Variants in PDE7A observed in about 807,000 individuals in gnomAD.
PDE7A encodes high affinity 3',5'-cyclic-AMP phosphodiesterase 7A.
Under a neutral mutation model 64.3 loss-of-function variants are expected in PDE7A, and 39 were observed. The observed-to-expected ratio is 0.61, with a 90% CI of 0.47 to 0.79. PDE7A has a LOEUF of 0.79. Ranked by LOEUF, PDE7A falls within the 30% of genes least tolerant of loss-of-function variation. The pLI, the probability that PDE7A is intolerant of heterozygous loss-of-function variation, is 0.00. For missense variants in PDE7A, 470 were observed against 582.8 expected, an observed-to-expected ratio of 0.81 and a Z score of 1.99; for synonymous variants, 203 against 206.8, an observed-to-expected ratio of 0.98 and a Z score of 0.16.
chr8:65,758,740 G>A (rs865935050), intron 3 of PDE7A, among the ~76,000 whole-genome samples: 9 of 152,194 alleles, frequency 5.9e-5, no homozygotes, highest in African/African-American at 2.2e-4. Context: ...TCTGACAACT[G>A]TTGGCCACCG....
At chr8:65,806,570 CCTA>C (rs1176567441) in intron 1 of PDE7A, among the ~76,000 whole-genome samples, 5 of 152,212 alleles carry the variant, frequency 3.3e-5, no homozygotes, top group African/African-American at 4.8e-5. Flanking sequence ...TGGTGGGACT[CCTA>C]CCACAATATT....
At chr8:65,818,956 A>C (rs1810476871) in intron 1 of PDE7A, among the ~76,000 whole-genome samples, 1 of 152,220 alleles carries the variant, frequency 6.6e-6, no homozygotes, top group Admixed American at 6.5e-5. Context: ...AAGCTGGGGC[A>C]GAATTGGGGG....
chr8:65,788,194 T>G (rs1235870678), intron 1 of PDE7A, among the ~76,000 whole-genome samples: 2 of 152,152 alleles, frequency 1.3e-5, no homozygotes. Flanking sequence ...GGATGAAAGA[T>G]ATAATCATTT....
chr8:65,744,418 C>G (rs1385161949), intron 5 of PDE7A, among the ~76,000 whole-genome samples: 1 of 152,126 alleles, frequency 6.6e-6, no homozygotes, highest in Non-Finnish European at 1.5e-5. Context: ...CAATTTTATC[C>G]TAAATAAGAG....
At chr8:65,756,762 A>T (rs1808257303) in intron 3 of PDE7A, among the ~76,000 whole-genome samples, 1 of 151,810 alleles carries the variant, frequency 6.6e-6, no homozygotes, top group African/African-American at 2.4e-5. Flanking sequence ...GGGGTGGTTT[A>T]TATCAAATTC....
chr8:65,740,171 G>C lies in PDE7A; in HGVS notation c.500-574C>G, dbSNP rs201585346. Among the ~76,000 whole-genome samples the C allele has an allele frequency of 1.7e-4, 26 of 150,206 alleles. No homozygotes were observed. The South Asian group carries it at 2.2e-3, about 13-fold the overall frequency. Reference sequence around the variant, plus strand: ...TGCAGAAAATCTGAGAGTTGCTTGGGGGGGTGGGGAGGGGGAATCACAAAA... The same window carrying C: ...TGCAGAAAATCTGAGAGTTGCTTGGCGGGGTGGGGAGGGGGAATCACAAAA... On this transcript the variant is annotated intron_variant, in intron 5 of 12. Transcript: ENST00000401827.
At chr8:65,764,747 TAATC>T (rs145683770) in intron 3 of PDE7A, among the ~76,000 whole-genome samples, 3,911 of 152,212 alleles carry the variant, frequency 0.026, 188 homozygotes, top group African/African-American at 0.088. Context: ...ATGAAACAAA[TAATC>T]AAAGTCTAAC....
chr8:65,758,092 G>C lies in PDE7A; in HGVS notation c.284-10289C>G, dbSNP rs746072384. Among the ~76,000 whole-genome samples, 7 of 152,160 alleles carry C rather than the reference G, an allele frequency of 4.6e-5. No individual in the cohort carries two copies. In the South Asian group the frequency reaches 1.2e-3, roughly 27 times the overall value. Reference sequence around the variant, plus strand: ...GTCTCTGTGCTAGTCCAGATTGCTGGTTGTAATACTAGTCTAGCAAGTGCC... The same window carrying C: ...GTCTCTGTGCTAGTCCAGATTGCTGCTTGTAATACTAGTCTAGCAAGTGCC... On this transcript the variant is annotated intron_variant, in intron 3 of 12. Transcript: ENST00000401827.
intron 3 of PDE7A, among the ~76,000 whole-genome samples, chr8:65,766,593 G>A (rs1808797814): frequency 6.6e-6 from 1 of 152,170 alleles, no homozygotes; most frequent in Non-Finnish European, 1.5e-5. Context: ...CCACTCTATG[G>A]TCAGCCCAGC....
Position 65,762,055 on chromosome 8 carries a change from C to A in PDE7A, c.284-14252G>T, listed in dbSNP as rs577961211. Among the ~76,000 whole-genome samples the A allele has an allele frequency of 2.6e-5, 4 of 152,288 alleles. No homozygotes were observed. In the South Asian group the frequency reaches 6.2e-4, roughly 24 times the overall value. ...AGCCCTGCAGCCACTGTATCTGCCA[C>A]CTTAACAATCATGAAGATACTAATC... On this transcript the variant is annotated intron_variant, in intron 3 of 12. Coordinates refer to ENST00000401827, the MANE Select transcript of PDE7A (RefSeq NM_001242318.3).
intron 1 of PDE7A, among the ~76,000 whole-genome samples, chr8:65,790,263 G>A (rs1221399298): frequency 6.6e-6 from 1 of 152,208 alleles, no homozygotes; most frequent in African/African-American, 2.4e-5. Flanking sequence ...CCATGTGGGG[G>A]TGTCTTGTCT....
intron 1 of PDE7A, among the ~76,000 whole-genome samples, chr8:65,834,935 T>C (rs1172627942): frequency 6.6e-6 from 1 of 152,198 alleles, no homozygotes; most frequent in Non-Finnish European, 1.5e-5. Context: ...CCTCTCCTCA[T>C]ATGCTGATCC....
chr8:65,781,662 AGAGTG>A (rs1487648429), intron 2 of PDE7A, among the ~76,000 whole-genome samples: 7 of 152,340 alleles, frequency 4.6e-5, no homozygotes, highest in African/African-American at 1.4e-4. Context: ...GATGACAGGA[AGAGTG>A]GAGTTATATT....
chr8:65,814,064 ATT>A (rs142444102), intron 1 of PDE7A, among the ~76,000 whole-genome samples: 1 of 150,820 alleles, frequency 6.6e-6, no homozygotes. Flanking sequence ...TCATTACTGA[ATT>A]TTTTTTTTCT....
intron 1 of PDE7A, among the ~76,000 whole-genome samples, chr8:65,803,602 C>A (rs1275745834): frequency 6.6e-6 from 1 of 151,924 alleles, no homozygotes; most frequent in African/African-American, 2.4e-5. Flanking sequence ...AATGACAAAC[C>A]CCTTTTAATG....
At chr8:65,721,268 A>G (rs558262018) in intron 12 of PDE7A, among the ~76,000 whole-genome samples, 2 of 152,336 alleles carry the variant, frequency 1.3e-5, no homozygotes, top group East Asian at 1.9e-4. Context: ...TATCCAGTAC[A>G]TATTTTCTTG....
Position 65,734,813 on chromosome 8 carries a change from C to T in PDE7A, c.677G>A (p.Cys226Tyr). Reference protein sequence around the residue: ...HAADVTQAMHCYLKEPKLANS... With the variant: ...HAADVTQAMHYYLKEPKLANS... ...TCTTACCTTAGGTTCCTTTAAGTAA[C>T]AGTGCATGGCCTGAGTAACATCCGC... Residue 226 changes from cysteine to tyrosine, a missense_variant, in exon 7 of 13, where the codon TGT (cysteine) becomes TAT (tyrosine). By Grantham distance (194) the Cys-to-Tyr change is radical. Coordinates refer to ENST00000401827, the MANE Select transcript of PDE7A (RefSeq NM_001242318.3). 1 of 1,599,424 alleles carries T rather than the reference C, an allele frequency of 6.3e-7. No individual in the cohort carries two copies. The highest frequency in any genetic ancestry group is 8.6e-7 in the Non-Finnish European group (1 of 1,167,252).
At chr8:65,826,031 T>C (rs1284306749) in intron 1 of PDE7A, among the ~76,000 whole-genome samples, 1 of 152,052 alleles carries the variant, frequency 6.6e-6, no homozygotes, top group Admixed American at 6.5e-5. Flanking sequence ...TTGAATGACA[T>C]GGAGCCATGG....
intron 6 of PDE7A, among the ~76,000 whole-genome samples, chr8:65,738,265 G>T (rs748611116): frequency 2.4e-5 from 3 of 127,010 alleles, no homozygotes; most frequent in Non-Finnish European, 3.2e-5. Context: ...AAGCAAAATT[G>T]TATATAACCA....
Sources: allele counts gnomAD v4.1 joint callset (sites outside exome capture counted in the v4.1 genomes callset), GRCh38; gene constraint gnomAD v4.1.1; transcripts MANE v1.5; gene names NCBI Gene and HGNC (gene_info 2026-07-23, HGNC 2026-07-21).